Variants in ENTREP2 observed in about 807,000 individuals in gnomAD.
The protein encoded by ENTREP2 is protein ENTREP2.
At chr15:29,269,636 T>C in the ENTREP2 span, 23,390 of 1,573,986 alleles carry the variant, frequency 0.015, 2,692 homozygotes, top group African/African-American at 0.27. Flanking sequence ...GGGTTTCCGC[T>C]ATGGCTCCAG....
chr15:29,271,321 C>T, the ENTREP2 span, among the ~76,000 whole-genome samples: 1 of 152,200 alleles, frequency 6.6e-6, no homozygotes, highest in Non-Finnish European at 1.5e-5. Context: ...TTCATAGAAG[C>T]TTCCTGCCAT....
the ENTREP2 span, among the ~76,000 whole-genome samples, chr15:29,641,535 G>C: frequency 6.6e-6 from 1 of 151,988 alleles, no homozygotes; most frequent in Non-Finnish European, 1.5e-5. Context: ...ATCAAAAAAT[G>C]AAAGTAGAAA....
chr15:29,397,145 C>CT, the ENTREP2 span, among the ~76,000 whole-genome samples: 1 of 152,158 alleles, frequency 6.6e-6, no homozygotes, highest in Admixed American at 6.6e-5. Flanking sequence ...AATCTCAACA[C>CT]TTTGGGAGGC....
chr15:29,599,611 A>T, the ENTREP2 span, among the ~76,000 whole-genome samples: 16 of 152,214 alleles, frequency 1.1e-4, no homozygotes, highest in African/African-American at 3.9e-4. Context: ...TGGTCATAAC[A>T]ATCGCATTAT....
chr15:29,358,595 T>C, the ENTREP2 span, among the ~76,000 whole-genome samples: 1 of 152,168 alleles, frequency 6.6e-6, no homozygotes, highest in South Asian at 2.1e-4. Context: ...ATTTCATGTT[T>C]AATAATATTT....
the ENTREP2 span, among the ~76,000 whole-genome samples, chr15:29,564,110 G>A: frequency 6.6e-6 from 1 of 152,090 alleles, no homozygotes; most frequent in Non-Finnish European, 1.5e-5. Context: ...CAATAGATCA[G>A]GAAAGTTCCT....
the ENTREP2 span, among the ~76,000 whole-genome samples, chr15:29,585,122 T>C: frequency 1.3e-5 from 2 of 152,162 alleles, no homozygotes; most frequent in Non-Finnish European, 2.9e-5. Flanking sequence ...ATACACCTAA[T>C]TACATCAGAG....
chr15:29,193,360 C>T, the ENTREP2 span, among the ~76,000 whole-genome samples: 1 of 152,128 alleles, frequency 6.6e-6, no homozygotes, highest in Non-Finnish European at 1.5e-5. Flanking sequence ...AGAGGAAAAG[C>T]GAATTATTTT....
the ENTREP2 span, among the ~76,000 whole-genome samples, chr15:29,661,262 G>A: frequency 5.9e-3 from 902 of 152,218 alleles, 16 homozygotes; most frequent in African/African-American, 0.02. Flanking sequence ...GTGCAATGGC[G>A]AGATCTCTGC....
At chr15:29,306,750 TGTGATCACCCAGGCTGGAGTGCAGTGGC>T in the ENTREP2 span, among the ~76,000 whole-genome samples, 1 of 137,946 alleles carries the variant, frequency 7.2e-6, no homozygotes, top group Admixed American at 8.3e-5. Context: ...AGTGCAGTGG[TGTGATCACCCAGGCTGGAGTGCAGTGGC>T]GTGATTACCC....
At chr15:29,414,245 G>A in the ENTREP2 span, among the ~76,000 whole-genome samples, 1 of 152,060 alleles carries the variant, frequency 6.6e-6, no homozygotes, top group Non-Finnish European at 1.5e-5. Flanking sequence ...CCACATAGTT[G>A]GAAGTAAAGC....
the ENTREP2 span, among the ~76,000 whole-genome samples, chr15:29,157,731 CTTTTT>C: frequency 5.3e-4 from 69 of 129,650 alleles, no homozygotes; most frequent in African/African-American, 1.9e-3. Context: ...ATAGCGACAT[CTTTTT>C]TTTTTTTTTT....
At chr15:29,657,493 G>GGGT in the ENTREP2 span, among the ~76,000 whole-genome samples, 1 of 135,874 alleles carries the variant, frequency 7.4e-6, no homozygotes, top group African/African-American at 2.7e-5. Flanking sequence ...CGGGGGGGGG[G>GGGT]GGTGGCCAGC....
At chr15:29,159,375 G>A in the ENTREP2 span, among the ~76,000 whole-genome samples, 1 of 152,186 alleles carries the variant, frequency 6.6e-6, no homozygotes, top group Admixed American at 6.5e-5. Context: ...GACCGAGAGA[G>A]TGAGCAGCAG....
chr15:29,259,411 C>T, the ENTREP2 span, among the ~76,000 whole-genome samples: 8 of 152,254 alleles, frequency 5.3e-5, no homozygotes, highest in East Asian at 1.5e-3. Context: ...TAGGATGGCT[C>T]TAGCTCCCCC....
chr15:29,456,168 C>T, the ENTREP2 span, among the ~76,000 whole-genome samples: 1 of 151,844 alleles, frequency 6.6e-6, no homozygotes, highest in East Asian at 1.9e-4. Flanking sequence ...AGGCTGGAGA[C>T]TGCTGATGTA....
chr15:29,627,565 T>C, the ENTREP2 span, among the ~76,000 whole-genome samples: 1 of 149,556 alleles, frequency 6.7e-6, no homozygotes, highest in South Asian at 2.1e-4. Context: ...AAAAAAGTCA[T>C]GTTACCATTA....
the ENTREP2 span, among the ~76,000 whole-genome samples, chr15:29,237,739 A>C: frequency 6.6e-6 from 1 of 152,056 alleles, no homozygotes; most frequent in Admixed American, 6.5e-5. Context: ...TGCTCCGTAA[A>C]ATGGTCTGGC....
the ENTREP2 span, among the ~76,000 whole-genome samples, chr15:29,305,013 C>T: frequency 6.6e-6 from 1 of 152,198 alleles, no homozygotes; most frequent in Non-Finnish European, 1.5e-5. Flanking sequence ...TACTTTCTAA[C>T]AGACGTTACC....
Sources: gnomAD v4.1 joint callset for allele counts (sites outside exome capture counted in the v4.1 genomes callset) on GRCh38, gnomAD v4.1.1 for gene constraint, MANE v1.5 for transcripts, NCBI Gene and HGNC (gene_info 2026-07-23, HGNC 2026-07-21) for gene names.